DYNC1LI2: variants seen among roughly 807,000 people sequenced by gnomAD.
DYNC1LI2 encodes dynein cytoplasmic 1 light intermediate chain 2.
Under a neutral mutation model 57.8 loss-of-function variants are expected in DYNC1LI2, and 19 were observed. That is an observed-to-expected ratio of 0.33 (90% CI 0.23 to 0.48). DYNC1LI2 has a LOEUF of 0.48. Ranked by LOEUF, DYNC1LI2 falls within the 20% of genes least tolerant of loss-of-function variation. DYNC1LI2 has a pLI of 0.99. For missense variants in DYNC1LI2, 470 were observed against 604.2 expected, an observed-to-expected ratio of 0.78 and a Z score of 2.33; for synonymous variants, 256 against 233.4, an observed-to-expected ratio of 1.10 and a Z score of -0.88.
chr16:66,728,250 G>C lies in DYNC1LI2; in HGVS notation c.1102-8C>G, dbSNP rs548477560. 6.2e-7 allele frequency: 1 copy of C among 1,614,112 alleles called. No individual in the cohort carries two copies. Among genetic ancestry groups the C allele is most frequent in the South Asian group, 1.1e-5 (1 of 91,074 alleles). On this transcript the variant is annotated splice_polypyrimidine_tract_variant and splice_region_variant and intron_variant, in intron 9 of 12. Coordinates refer to ENST00000258198, the MANE Select transcript of DYNC1LI2 (RefSeq NM_006141.3). ...TTGCTTGGCAAGGAGTGACTGCAAAGAGAGGGACAAACTGGCTATTAACCA... is the reference window on the plus strand; with the variant it reads ...TTGCTTGGCAAGGAGTGACTGCAAACAGAGGGACAAACTGGCTATTAACCA...
intron 11 of DYNC1LI2, among the ~76,000 whole-genome samples, chr16:66,726,971 T>C (rs1340219652): frequency 1.3e-5 from 2 of 151,894 alleles, no homozygotes; most frequent in South Asian, 2.1e-4. Flanking sequence ...GGCTGGAGCA[T>C]GGTGGCATAA....
chr16:66,749,585 G>C (rs1390741137), intron 2 of DYNC1LI2, among the ~76,000 whole-genome samples: 1 of 152,146 alleles, frequency 6.6e-6, no homozygotes, highest in African/African-American at 2.4e-5. Flanking sequence ...CAGGTCCACA[G>C]GCCCTATCTA....
intron 3 of DYNC1LI2, among the ~76,000 whole-genome samples, chr16:66,746,059 G>A (rs2017930890): frequency 6.6e-6 from 1 of 152,104 alleles, no homozygotes; most frequent in African/African-American, 2.4e-5. Context: ...TGTGTCAACA[G>A]TATAAAGTAT....
At chr16:66,746,553 T>TA (rs756721508) in intron 3 of DYNC1LI2, among the ~76,000 whole-genome samples, 14 of 152,116 alleles carry the variant, frequency 9.2e-5, no homozygotes, top group Non-Finnish European at 1.9e-4. Context: ...AAGGTAACTT[T>TA]AAAAAAATCT....
chr16:66,746,105 G>A (rs1039584874), intron 3 of DYNC1LI2, among the ~76,000 whole-genome samples: 13 of 151,648 alleles, frequency 8.6e-5, no homozygotes, highest in Non-Finnish European at 1.5e-4. Context: ...CTATTTTAGC[G>A]GCTTTAGTTT....
chr16:66,725,938 G>T lies in DYNC1LI2; in HGVS notation c.1268C>A (p.Ala423Glu). ...KKPDPNIKNN[A>E]ASEGVLASFF... ...GCTGGCCAACACCCCTTCACTTGCT[G>T]CATTATCTAAGGAAAATTAAAGAGA... Residue 423 changes from alanine to glutamate, a missense_variant, in exon 12 of 13, where the codon GCA (alanine) becomes GAA (glutamate). Transcript: ENST00000258198. The T allele has an allele frequency of 6.2e-7, 1 of 1,611,402 alleles. No individual in the cohort carries two copies.
chr16:66,723,956 C>T, intron 12 of DYNC1LI2, 134 bp from the exon 13 acceptor site: 4 of 730,830 alleles, frequency 5.5e-6, no homozygotes, highest in Non-Finnish European at 8.6e-6. Context: ...ATGAGGAAAG[C>T]CCTTTTCTAC....
intron 3 of DYNC1LI2, among the ~76,000 whole-genome samples, chr16:66,748,724 G>A (rs953247739): frequency 1.3e-5 from 2 of 152,068 alleles, no homozygotes; most frequent in East Asian, 1.9e-4. Flanking sequence ...CACCAAATCC[G>A]GCAGAAACTA....
chr16:66,738,872 CA>C (rs935685813), intron 4 of DYNC1LI2: 5 of 127,730 alleles, frequency 3.9e-5, no homozygotes, highest in East Asian at 2.4e-4. Flanking sequence ...GACTCTGTTT[CA>C]AAAAAAAACA....
At position 66,742,582 on chromosome 16, in the gene DYNC1LI2, G is replaced by T; in HGVS notation, c.385C>A (p.Pro129Thr). The change falls in exon 4 of 13, where the codon CCA (proline) becomes ACA (threonine). Residue 129 changes from proline to threonine, a missense_variant. Transcript: ENST00000258198. ...LKFAVSAESL[P>T]ETLVIFVADM... is the part of the protein sequence containing the mutation. ...GCAACAAAAATGACGAGGGTCTCTGGCAAGGATTCAGCAGAAACTGCAAAT... is the reference window on the plus strand; with the variant it reads ...GCAACAAAAATGACGAGGGTCTCTGTCAAGGATTCAGCAGAAACTGCAAAT... 1 of 1,614,198 alleles carries T rather than the reference G, an allele frequency of 6.2e-7. No individual in the cohort carries two copies. The highest frequency in any genetic ancestry group is 8.5e-7 in the Non-Finnish European group (1 of 1,180,040).
At chr16:66,725,004 T>C (rs1877895131) in intron 12 of DYNC1LI2, among the ~76,000 whole-genome samples, 2 of 151,030 alleles carry the variant, frequency 1.3e-5, no homozygotes, top group Non-Finnish European at 2.9e-5. Flanking sequence ...AAAAACCGTC[T>C]CTACTAAAAA....
intron 2 of DYNC1LI2, among the ~76,000 whole-genome samples, 164 bp from the exon 3 acceptor site, chr16:66,749,477 G>A (rs1292553066): frequency 6.6e-6 from 1 of 152,138 alleles, no homozygotes; most frequent in Non-Finnish European, 1.5e-5. Flanking sequence ...AGAGTGGTTG[G>A]GAGGGTGGGG....
intron 4 of DYNC1LI2, among the ~76,000 whole-genome samples, chr16:66,740,959 T>C (rs1190187981): frequency 6.6e-6 from 1 of 152,176 alleles, no homozygotes; most frequent in African/African-American, 2.4e-5. Flanking sequence ...TAATCCTAAA[T>C]AACAGCCATC....
intron 12 of DYNC1LI2, among the ~76,000 whole-genome samples, chr16:66,724,090 C>T (rs1328628128): frequency 1.3e-5 from 2 of 152,118 alleles, no homozygotes; most frequent in Non-Finnish European, 1.5e-5. Context: ...GTGCCAAATA[C>T]AAGAACCTTT....
Position 66,730,121 on chromosome 16 carries a change from G to A in DYNC1LI2, c.1032C>T (p.Pro344=), listed in dbSNP as rs145562779. 2.2e-5 allele frequency: 36 copies of A among 1,613,458 alleles called. No individual in the cohort carries two copies. The African/African-American group carries it at 2.3e-4, about 10-fold the overall frequency. ...AATTGTCTTTGACTACCTTTCTCACGGGAGGTTTCACAATAAAGTCTTCAT... is the reference window on the plus strand; with the variant it reads ...AATTGTCTTTGACTACCTTTCTCACAGGAGGTTTCACAATAAAGTCTTCAT... ...DAYEDFIVKP[P]VRKLVHDKEL... The change falls in exon 8 of 13, where the codon CCC becomes CCT. Residue 344 remains proline, a synonymous_variant. Transcript: ENST00000258198.
intron 3 of DYNC1LI2, among the ~76,000 whole-genome samples, chr16:66,744,303 C>T (rs888244016): frequency 2.0e-5 from 3 of 152,208 alleles, no homozygotes; most frequent in African/African-American, 7.2e-5. Context: ...GCTCCTGCCT[C>T]GGCCTTCTAA....
chr16:66,745,014 A>G (rs1003917011), intron 3 of DYNC1LI2, among the ~76,000 whole-genome samples: 1 of 152,124 alleles, frequency 6.6e-6, no homozygotes, highest in East Asian at 1.9e-4. Flanking sequence ...TAAGGCTTCG[A>G]TTCTCCTGCC....
chr16:66,741,547 G>A (rs1347163952), intron 4 of DYNC1LI2, among the ~76,000 whole-genome samples: 4 of 152,130 alleles, frequency 2.6e-5, no homozygotes, highest in African/African-American at 7.2e-5. Context: ...CAAAATTTCT[G>A]AACCATTCTG....
intron 4 of DYNC1LI2, among the ~76,000 whole-genome samples, chr16:66,741,086 G>A (rs974817047): frequency 7.1e-6 from 1 of 140,430 alleles, no homozygotes; most frequent in Non-Finnish European, 1.5e-5. Flanking sequence ...ACAGTATAGG[G>A]CAGACACTTT....
Sources: allele counts gnomAD v4.1 joint callset (sites outside exome capture counted in the v4.1 genomes callset), GRCh38; gene constraint gnomAD v4.1.1; transcripts MANE v1.5; gene names NCBI Gene and HGNC (gene_info 2026-07-23, HGNC 2026-07-21).